CORO2A: variants seen among roughly 807,000 people sequenced by gnomAD.
The protein encoded by CORO2A is coronin-2A.
Under a neutral mutation model 62.4 loss-of-function variants are expected in CORO2A, and 47 were observed. That is an observed-to-expected ratio of 0.75 (90% CI 0.60 to 0.96). The LOEUF (loss-of-function observed/expected upper bound fraction) is 0.96, where lower values mean the gene tolerates loss of function less well. Among genes scored for constraint, CORO2A ranks in the 40% least tolerant of loss-of-function variants. The pLI, the probability that CORO2A is intolerant of heterozygous loss-of-function variation, is 0.00. For synonymous variants in CORO2A, 273 were observed against 268.9 expected, an observed-to-expected ratio of 1.02 and a Z score of -0.15; for missense variants, 610 against 684.1, an observed-to-expected ratio of 0.89 and a Z score of 1.21.
rs146742160 is a variant in CORO2A at position 98,126,535 on chromosome 9, G to A, written c.1446+14C>T. The A allele has an allele frequency of 3.2e-5, 52 of 1,608,044 alleles. No homozygotes were observed. Among genetic ancestry groups the A allele is most frequent in the African/African-American group, 4.0e-5 (3 of 74,888 alleles). On this transcript the variant is annotated intron_variant, in intron 11 of 11. Transcript: ENST00000375077. Reference sequence around the variant, plus strand: ...CTGCCCCATGTGAAAGGCCCACCCCGTCCTCCTTCACACCTCATTCTCTGT... The same window carrying A: ...CTGCCCCATGTGAAAGGCCCACCCCATCCTCCTTCACACCTCATTCTCTGT...
intron 1 of CORO2A, among the ~76,000 whole-genome samples, chr9:98,163,730 A>ATGTGTGTGTGTGTGTGTATG (rs368890494): frequency 7.4e-6 from 1 of 135,854 alleles, no homozygotes; most frequent in African/African-American, 2.7e-5. Context: ...GTGTGTGTGT[A>ATGTGTGTGTGTGTGTGTATG]TGTGTGTGTG....
At chr9:98,166,451 T>C (rs1482755142) in intron 1 of CORO2A, among the ~76,000 whole-genome samples, 4 of 152,216 alleles carry the variant, frequency 2.6e-5, no homozygotes, top group Non-Finnish European at 5.9e-5. Context: ...GAGGAAATAT[T>C]TGCAAATCCA....
At chr9:98,163,729 TATGTGTGTGTGTGA>T (rs1827919937) in intron 1 of CORO2A, among the ~76,000 whole-genome samples, 1 of 132,288 alleles carries the variant, frequency 7.6e-6, no homozygotes, top group Non-Finnish European at 1.6e-5. Context: ...TGTGTGTGTG[TATGTGTGTGTGTGA>T]GAGAGAGAGA....
rs1476726783 is a variant in CORO2A at position 98,128,605 on chromosome 9, AC to A, written c.1080+1del. On this transcript the variant is annotated splice_donor_variant, in intron 9 of 11. Transcript: ENST00000375077. LOFTEE classifies it high-confidence loss of function. ...CTCCCATGCGGTCCCGACTGCCCTT[AC>A]CCGCCGGGGCACAATCATGGAGATG... The A allele has an allele frequency of 1.2e-6, 2 of 1,613,270 alleles. No homozygotes were observed. The highest frequency in any genetic ancestry group is 1.7e-6 in the Non-Finnish European group (2 of 1,179,478).
chr9:98,131,438 G>C (rs1009931432), intron 6 of CORO2A, among the ~76,000 whole-genome samples: 1 of 151,190 alleles, frequency 6.6e-6, no homozygotes, highest in Admixed American at 6.6e-5. Context: ...CGATCCTCTC[G>C]CCTCAGTCTC....
intron 1 of CORO2A, among the ~76,000 whole-genome samples, chr9:98,187,282 C>CAAA (rs60290184): frequency 4.5e-5 from 3 of 66,536 alleles, no homozygotes; most frequent in Admixed American, 2.1e-4. Flanking sequence ...GACTCCATCT[C>CAAA]AAAAAAAAAA....
chr9:98,151,336 A>G (rs766935268), intron 2 of CORO2A, among the ~76,000 whole-genome samples: 5 of 152,346 alleles, frequency 3.3e-5, no homozygotes, highest in Non-Finnish European at 7.3e-5. Context: ...TGAATATAGT[A>G]AATATTTCCA....
chr9:98,136,335 G>A (rs1364992740), intron 3 of CORO2A, among the ~76,000 whole-genome samples: 4 of 152,216 alleles, frequency 2.6e-5, no homozygotes, highest in Admixed American at 2.0e-4. Flanking sequence ...TGTCCTTTAC[G>A]TTCCTCAGCA....
intron 1 of CORO2A, among the ~76,000 whole-genome samples, chr9:98,181,571 G>A (rs764046443): frequency 2.7e-4 from 41 of 151,902 alleles, no homozygotes; most frequent in Non-Finnish European, 5.0e-4. Flanking sequence ...ACCCCTCGGC[G>A]GCCATTGTTC....
At chr9:98,163,410 A>C (rs1453091588) in intron 1 of CORO2A, among the ~76,000 whole-genome samples, 1 of 152,156 alleles carries the variant, frequency 6.6e-6, no homozygotes, top group African/African-American at 2.4e-5. Context: ...GGCTGGTCAC[A>C]AACTCCTGAC....
chr9:98,188,847 G>A (rs114101212), intron 1 of CORO2A, among the ~76,000 whole-genome samples: 51 of 152,230 alleles, frequency 3.4e-4, no homozygotes, highest in Middle Eastern at 3.4e-3. Context: ...TACAATGTAG[G>A]TGCTTAATAA....
intron 2 of CORO2A, among the ~76,000 whole-genome samples, chr9:98,152,441 C>A (rs1827738228): frequency 6.6e-6 from 1 of 152,030 alleles, no homozygotes; most frequent in Non-Finnish European, 1.5e-5. Context: ...AGGCATGCTC[C>A]ACTATGCCTG....
At chr9:98,176,921 C>T (rs552369192) in intron 1 of CORO2A, among the ~76,000 whole-genome samples, 3 of 152,342 alleles carry the variant, frequency 2.0e-5, no homozygotes, top group African/African-American at 7.2e-5. Context: ...AAACACAGAA[C>T]AGAGTCCTGT....
chr9:98,135,007 C>T (rs751628597), intron 3 of CORO2A, 52 bp from the exon 4 acceptor site: 13 of 1,594,080 alleles, frequency 8.2e-6, no homozygotes, highest in African/African-American at 2.7e-5. Flanking sequence ...ACCTTGGCAC[C>T]GTCACCAGCC....
intron 2 of CORO2A, among the ~76,000 whole-genome samples, chr9:98,154,327 G>GTATACATATATATATA (rs1252469980): frequency 2.1e-5 from 2 of 93,270 alleles, no homozygotes; most frequent in African/African-American, 8.0e-5. Flanking sequence ...ATGTGTTTGT[G>GTATACATATATATATA]TGTATATATA....
At chr9:98,160,024 C>T (rs1331329381) in intron 1 of CORO2A, among the ~76,000 whole-genome samples, 1 of 152,196 alleles carries the variant, frequency 6.6e-6, no homozygotes, top group African/African-American at 2.4e-5. Flanking sequence ...GCGATAAGGG[C>T]CTGACCCCTG....
intron 1 of CORO2A, among the ~76,000 whole-genome samples, chr9:98,158,038 G>A (rs1337723157): frequency 1.3e-5 from 2 of 152,218 alleles, no homozygotes; most frequent in South Asian, 2.1e-4. Context: ...CCAATGTGCT[G>A]TCTGGAGCCA....
At chr9:98,166,996 CGGGAGGTCAAGGT>C (rs894949382) in intron 1 of CORO2A, among the ~76,000 whole-genome samples, 2 of 150,518 alleles carry the variant, frequency 1.3e-5, no homozygotes, top group African/African-American at 4.9e-5. Context: ...CCCAGCTACT[CGGGAGGTCAAGGT>C]GGGAGGATCA....
rs143670573 is a variant in CORO2A at position 98,182,152 on chromosome 9, G to A, written c.-1+10407C>T. Among the ~76,000 whole-genome samples the A allele has an allele frequency of 2.9e-3, 443 of 152,296 alleles. 3 individuals carry two copies. Among genetic ancestry groups the A allele is most frequent in the Non-Finnish European group, 5.0e-3 (339 of 68,030 alleles). ...GTTTGGTCTGTGAGCCCTCAAAGGC[G>A]GGCCTGTGTCTGTTTTGCTGTGCTT... On this transcript the variant is annotated intron_variant, in intron 1 of 11. Coordinates refer to ENST00000375077, the MANE Select transcript of CORO2A (RefSeq NM_052820.4).
Sources: allele counts gnomAD v4.1 joint callset (sites outside exome capture counted in the v4.1 genomes callset), GRCh38; gene constraint gnomAD v4.1.1; transcripts MANE v1.5; gene names NCBI Gene and HGNC (gene_info 2026-07-23, HGNC 2026-07-21).